GRIK2: variants seen among roughly 807,000 people sequenced by gnomAD.
GRIK2 encodes glutamate receptor ionotropic, kainate 2.
GRIK2 carries 32 observed loss-of-function variants against 100.3 expected under a neutral mutation model. The observed-to-expected ratio is 0.32, with a 90% confidence interval of 0.24 to 0.43. The LOEUF (loss-of-function observed/expected upper bound fraction) is 0.43. GRIK2 is among the 20% of genes least tolerant of loss of function. The pLI is 1.00. For synonymous variants in GRIK2, 417 were observed against 389.4 expected, an observed-to-expected ratio of 1.07 and a Z score of -0.83; for missense variants, 843 against 1,114.9, an observed-to-expected ratio of 0.76 and a Z score of 3.47.
chr6:101,992,909 C>T (rs1198165423), intron 14 of GRIK2, among the ~76,000 whole-genome samples: 3 of 151,438 alleles, frequency 2.0e-5, no homozygotes, highest in South Asian at 2.1e-4. Context: ...TTATTTAACA[C>T]ATAATTTAGA....
At chr6:101,837,517 G>T (rs1783209873) in intron 10 of GRIK2, among the ~76,000 whole-genome samples, 3 of 152,162 alleles carry the variant, frequency 2.0e-5, no homozygotes, top group African/African-American at 7.2e-5. Context: ...CTAAATATAT[G>T]CAGTTTTTAT....
intron 12 of GRIK2, among the ~76,000 whole-genome samples, chr6:101,899,665 G>A (rs1173522640): frequency 6.6e-6 from 1 of 152,042 alleles, no homozygotes; most frequent in Non-Finnish European, 1.5e-5. Context: ...ATGATAAAAT[G>A]AGATGAACGC....
intron 14 of GRIK2, among the ~76,000 whole-genome samples, chr6:101,932,743 T>C (rs1790370625): frequency 6.6e-6 from 1 of 151,978 alleles, no homozygotes; most frequent in African/African-American, 2.4e-5. Flanking sequence ...TGAACTTACA[T>C]GTCTTGAGCT....
At chr6:101,412,924 A>G (rs890500757) in intron 2 of GRIK2, among the ~76,000 whole-genome samples, 40 of 152,186 alleles carry the variant, frequency 2.6e-4, no homozygotes, top group African/African-American at 8.7e-4. Flanking sequence ...TCTTTAGGTA[A>G]GAGTCTGACT....
intron 4 of GRIK2, among the ~76,000 whole-genome samples, chr6:101,671,287 A>C (rs1177986545): frequency 6.6e-6 from 1 of 152,216 alleles, no homozygotes; most frequent in African/African-American, 2.4e-5. Flanking sequence ...TATTAGCAAT[A>C]AAAATTGGAA....
chr6:101,894,167 T>C (rs1056676395), intron 12 of GRIK2, among the ~76,000 whole-genome samples: 1 of 151,632 alleles, frequency 6.6e-6, no homozygotes, highest in Non-Finnish European at 1.5e-5. Context: ...AAATTGGATT[T>C]AAAAGTAGAT....
At chr6:102,017,435 G>A (rs1769170531) in intron 14 of GRIK2, among the ~76,000 whole-genome samples, 1 of 152,156 alleles carries the variant, frequency 6.6e-6, no homozygotes, top group Admixed American at 6.5e-5. Context: ...GATGAGACTT[G>A]AGTGGGGACA....
intron 2 of GRIK2, among the ~76,000 whole-genome samples, chr6:101,539,914 AGCTAC>A (rs1195629520): frequency 1.3e-5 from 2 of 151,852 alleles, no homozygotes; most frequent in African/African-American, 4.8e-5. Flanking sequence ...ATAGGGCTTT[AGCTAC>A]ATTATCTCAT....
chr6:101,997,223 A>G (rs1794698410), intron 14 of GRIK2, among the ~76,000 whole-genome samples: 1 of 152,076 alleles, frequency 6.6e-6, no homozygotes, highest in Admixed American at 6.6e-5. Context: ...TTGCACTATT[A>G]TTAGTCTATG....
At position 101,818,337 on chromosome 6, in the gene GRIK2, G is replaced by T. The variant is rs1268451846; in HGVS notation, c.1204-33G>T. On this transcript the variant is annotated intron_variant, in intron 9 of 16. Transcript: ENST00000369134. ...AGTACTCTCTACCACGTGCCTGATG[G>T]ACAATTTACAAAGTACATATGCTAT... The T allele has an allele frequency of 4.1e-6, 5 of 1,216,568 alleles. No individual in the cohort carries two copies. In the Admixed American group the frequency reaches 5.2e-5, roughly 13 times the overall value. 75.4% of individuals were successfully genotyped at this position (1,216,568 alleles called of 1,614,324 possible). A position where few individuals can be genotyped will look rare whatever the true frequency, so the allele number is the denominator to read the frequency against.
intron 14 of GRIK2, among the ~76,000 whole-genome samples, chr6:102,013,601 G>A (rs1195432313): frequency 6.6e-6 from 1 of 152,058 alleles, no homozygotes; most frequent in South Asian, 2.1e-4. Context: ...TTTAAGGTAT[G>A]TTGCTTCAAT....
At chr6:101,686,586 G>T (rs894758900) in intron 7 of GRIK2, among the ~76,000 whole-genome samples, 1 of 152,048 alleles carries the variant, frequency 6.6e-6, no homozygotes, top group Non-Finnish European at 1.5e-5. Flanking sequence ...ACTATCACCA[G>T]GGTACTACAA....
intron 4 of GRIK2, among the ~76,000 whole-genome samples, chr6:101,633,963 TGTTA>T (rs1257510023): frequency 5.3e-5 from 8 of 152,136 alleles, no homozygotes; most frequent in Non-Finnish European, 1.2e-4. Context: ...TGTTACATGA[TGTTA>T]GTTGTTGTTT....
At chr6:101,954,751 T>C (rs1791811439) in intron 14 of GRIK2, among the ~76,000 whole-genome samples, 1 of 152,188 alleles carries the variant, frequency 6.6e-6, no homozygotes, top group African/African-American at 2.4e-5. Flanking sequence ...TAATGTTGAA[T>C]GTAAATGAGA....
At chr6:101,662,589 C>T (rs1480092424) in intron 4 of GRIK2, among the ~76,000 whole-genome samples, 2 of 152,016 alleles carry the variant, frequency 1.3e-5, no homozygotes, top group Non-Finnish European at 2.9e-5. Flanking sequence ...CTTGATTCCC[C>T]ATCTCTCCAC....
At chr6:101,801,565 T>C (rs1027967687) in intron 8 of GRIK2, among the ~76,000 whole-genome samples, 3 of 151,962 alleles carry the variant, frequency 2.0e-5, no homozygotes, top group Non-Finnish European at 4.4e-5. Flanking sequence ...ATTTTAAACA[T>C]TTTAGTTGTG....
At chr6:102,036,046 A>G (rs569061270) in intron 15 of GRIK2, among the ~76,000 whole-genome samples, 1 of 151,566 alleles carries the variant, frequency 6.6e-6, no homozygotes, top group African/African-American at 2.4e-5. Context: ...TTTACCAATG[A>G]CATATCTAGA....
chr6:101,849,229 C>T (rs1783978412), intron 10 of GRIK2, among the ~76,000 whole-genome samples: 1 of 151,694 alleles, frequency 6.6e-6, no homozygotes, highest in Non-Finnish European at 1.5e-5. Flanking sequence ...GAAAGGGAAA[C>T]AAAGAAAAAC....
chr6:101,909,845 G>A (rs1293155579), intron 12 of GRIK2, among the ~76,000 whole-genome samples: 1 of 150,564 alleles, frequency 6.6e-6, no homozygotes, highest in Admixed American at 6.6e-5. Flanking sequence ...ATTCTCAAAG[G>A]CATTAAGAAA....
Sources: allele counts gnomAD v4.1 joint callset (sites outside exome capture counted in the v4.1 genomes callset), GRCh38; gene constraint gnomAD v4.1.1; transcripts MANE v1.5; gene names NCBI Gene and HGNC (gene_info 2026-07-23, HGNC 2026-07-21).